Variants in GRHL2 observed in about 807,000 individuals in gnomAD.
GRHL2 encodes grainyhead-like protein 2 homolog.
In GRHL2, 21 loss-of-function variants were observed where a neutral mutation model predicts 83.8. That is an observed-to-expected ratio of 0.25 (90% CI 0.18 to 0.36). The LOEUF (loss-of-function observed/expected upper bound fraction) is 0.36, where lower values mean the gene tolerates loss of function less well. GRHL2 is among the 10% of genes least tolerant of loss of function. The probability of loss-of-function intolerance (pLI) is 1.00; values close to 1 mark genes in which losing one functional copy is unlikely to be tolerated. For synonymous variants in GRHL2, 280 were observed against 278.9 expected (o/e 1.00, Z -0.04); for missense variants, 623 against 781.8 (o/e 0.80, Z 2.42).
chr8:101,515,655 C>T (rs1810558993), intron 1 of GRHL2, among the ~76,000 whole-genome samples: 1 of 152,074 alleles, frequency 6.6e-6, no homozygotes, highest in Admixed American at 6.5e-5. Flanking sequence ...GGGGTGATTT[C>T]CAGGATCAAG....
intron 13 of GRHL2, 146 bp downstream of exon 13, chr8:101,644,371 C>T: frequency 1.4e-6 from 1 of 693,734 alleles, no homozygotes; most frequent in Non-Finnish European, 2.6e-6. Context: ...CAGTCTTCTT[C>T]TTTGCTTTAA....
At chr8:101,523,981 C>T (rs533710325) in intron 1 of GRHL2, among the ~76,000 whole-genome samples, 3 of 152,230 alleles carry the variant, frequency 2.0e-5, no homozygotes, top group African/African-American at 7.2e-5. Flanking sequence ...TAATAGAATG[C>T]CCCACCATTT....
the GRHL2 span, among the ~76,000 whole-genome samples, chr8:101,678,151 C>T: frequency 1.3e-5 from 2 of 152,178 alleles, no homozygotes; most frequent in African/African-American, 4.8e-5. Flanking sequence ...CGGGTGATTT[C>T]TGCATTTCCA....
downstream of GRHL2, among the ~76,000 whole-genome samples, chr8:101,670,471 T>C (rs1251915160): frequency 1.3e-5 from 2 of 152,236 alleles, no homozygotes; most frequent in East Asian, 3.9e-4. Flanking sequence ...GCAGCCTCTG[T>C]GCCTAGACCA....
At chr8:101,673,442 A>G (rs1814241027), downstream of GRHL2, among the ~76,000 whole-genome samples, 1 of 151,172 alleles carries the variant, frequency 6.6e-6, no homozygotes, top group African/African-American at 2.4e-5. Flanking sequence ...ACAAACATCA[A>G]AAGAGACAAA....
intron 7 of GRHL2, among the ~76,000 whole-genome samples, chr8:101,591,270 TTGCAGAAGCA>T (rs774407401): frequency 4.1e-4 from 63 of 152,224 alleles, no homozygotes; most frequent in Non-Finnish European, 7.2e-4. Flanking sequence ...CAGCAGCCCT[TTGCAGAAGCA>T]CTGCAACGTT....
At chr8:101,511,681 A>G (rs546630) in intron 1 of GRHL2, among the ~76,000 whole-genome samples, 149,232 of 151,712 alleles carry the variant, frequency 0.98, 73,477 homozygotes, top group Non-Finnish European at 1. Context: ...TTTTTTAAAT[A>G]TCTTCTAGGT....
chr8:101,636,199 A>G (rs1813281635), intron 11 of GRHL2, among the ~76,000 whole-genome samples: 1 of 152,178 alleles, frequency 6.6e-6, no homozygotes, highest in Non-Finnish European at 1.5e-5. Context: ...ATAAAATAAT[A>G]AGGATGCTTC....
At chr8:101,581,065 C>T (rs566178468) in intron 7 of GRHL2, among the ~76,000 whole-genome samples, 27 of 152,308 alleles carry the variant, frequency 1.8e-4, no homozygotes, top group Non-Finnish European at 2.9e-4. Flanking sequence ...GTATTCCAGC[C>T]TCTAGCCAGT....
chr8:101,610,096 CAG>C (rs576202475), intron 8 of GRHL2, among the ~76,000 whole-genome samples: 11 of 150,880 alleles, frequency 7.3e-5, no homozygotes, highest in African/African-American at 2.0e-4. Flanking sequence ...GCTCGAGTGA[CAG>C]AGCAGAGCAG....
chr8:101,561,991 A>G (rs1811616367), intron 4 of GRHL2: 12 of 744,960 alleles, frequency 1.6e-5, no homozygotes, highest in Admixed American at 1.8e-5. Flanking sequence ...AAATGGTTAC[A>G]GAGATTTTTA....
At chr8:101,493,931 G>C (rs1468652334) in intron 1 of GRHL2, among the ~76,000 whole-genome samples, 1 of 152,134 alleles carries the variant, frequency 6.6e-6, no homozygotes, top group Non-Finnish European at 1.5e-5. Flanking sequence ...GGGCCTGGGC[G>C]GGCGCGGGAG....
intron 8 of GRHL2, among the ~76,000 whole-genome samples, chr8:101,600,418 C>T (rs978576039): frequency 6.6e-6 from 1 of 152,246 alleles, no homozygotes; most frequent in Admixed American, 6.5e-5. Flanking sequence ...ACCCGAGCCC[C>T]GTTCTCCCTG....
chr8:101,541,471 C>T (rs1341728387), intron 1 of GRHL2, among the ~76,000 whole-genome samples: 7 of 151,844 alleles, frequency 4.6e-5, no homozygotes, highest in Non-Finnish European at 1.5e-5. Flanking sequence ...CCCACATCTG[C>T]ACCAACATAT....
chr8:101,631,793 G>T (rs1813190882), intron 10 of GRHL2, 69 bp downstream of exon 10: 1 of 1,269,282 alleles, frequency 7.9e-7, no homozygotes, highest in Non-Finnish European at 1.2e-6. Context: ...GGGGGAACAG[G>T]TGGAAGAAGT....
At chr8:101,515,176 G>GTCTCTCTGCACACACA (rs1554582183) in intron 1 of GRHL2, among the ~76,000 whole-genome samples, 2 of 144,444 alleles carry the variant, frequency 1.4e-5, no homozygotes, top group Admixed American at 7.0e-5. Flanking sequence ...CTGTCTCTCT[G>GTCTCTCTGCACACACA]CACACACACA....
chr8:101,507,987 T>C (rs1339405261), intron 1 of GRHL2, among the ~76,000 whole-genome samples: 4 of 152,130 alleles, frequency 2.6e-5, no homozygotes, highest in African/African-American at 9.7e-5. Context: ...GGTTTTGCTA[T>C]GTTGGCCAGG....
At chr8:101,552,668 A>C in intron 2 of GRHL2, 47 bp from the exon 3 acceptor site, 3 of 1,567,902 alleles carry the variant, frequency 1.9e-6, no homozygotes, top group Admixed American at 1.7e-5. Flanking sequence ...GAACATGGTC[A>C]TGGTTGCCTC....
chr8:101,518,840 C>T (rs1810624245), intron 1 of GRHL2, among the ~76,000 whole-genome samples: 1 of 152,170 alleles, frequency 6.6e-6, no homozygotes, highest in African/African-American at 2.4e-5. Context: ...CTCCTTTGGG[C>T]TTCTGTCCAT....
Sources: allele counts gnomAD v4.1 joint callset (sites outside exome capture counted in the v4.1 genomes callset), GRCh38; gene constraint gnomAD v4.1.1; transcripts MANE v1.5; gene names NCBI Gene and HGNC (gene_info 2026-07-23, HGNC 2026-07-21).